TRANK1: variants seen among roughly 807,000 people sequenced by gnomAD.
The protein encoded by TRANK1 is tetratricopeptide repeat and ankyrin repeat containing 1, also known as TPR and ankyrin repeat-containing protein 1.
Under a neutral mutation model 266.0 loss-of-function variants are expected in TRANK1, and 198 were observed. That is an observed-to-expected ratio of 0.74 (90% CI 0.66 to 0.84). TRANK1 has a LOEUF of 0.84. Among genes scored for constraint, TRANK1 ranks in the 40% least tolerant of loss-of-function variants. The pLI is 0.00. For synonymous variants in TRANK1, 1,396 were observed against 1,384.1 expected, an observed-to-expected ratio of 1.01 and a Z score of -0.19; for missense variants, 3,326 against 3,634.6, an observed-to-expected ratio of 0.92 and a Z score of 2.18.
rs766932304 is a variant in TRANK1 at position 36,873,728 on chromosome 3, T to TGTACCAATTTTGGTACCAAG, written c.1078+397_1078+398insCTTGGTACCAAAATTGGTAC. ...GTCAGCAGATGCTGTCCAAAATTGA[T>TGTACCAATTTTGGTACCAAG]AAACCAAGAAATAGAGATGTACGTG... On this transcript the variant is annotated intron_variant, in intron 9 of 23. Transcript: ENST00000645898. 1.0e-3 allele frequency among the ~76,000 whole-genome samples: 159 copies of TGTACCAATTTTGGTACCAAG among 152,300 alleles called. 1 individual carries two copies. The highest frequency in any genetic ancestry group is 3.4e-3 in the Middle Eastern group (1 of 292).
intron 23 of TRANK1, among the ~76,000 whole-genome samples, chr3:36,829,085 C>T (rs985959756): frequency 2.6e-5 from 4 of 152,232 alleles, no homozygotes; most frequent in Non-Finnish European, 5.9e-5. Flanking sequence ...TTTTAACCCT[C>T]TGTAGGAAGA....
In TRANK1 at chr3:36,832,699, G is replaced by C. The variant is rs2078713896; in HGVS notation, c.6884C>G (p.Pro2295Arg). ...NPMACKEILKPNYKSFRFYRF... is the reference protein window; with the variant it reads ...NPMACKEILKRNYKSFRFYRF... The stretch of plus-strand genomic sequence containing the variant: ...GTAGAACCGGAAGGATTTGTAATTT[G>C]GTTTGAGGATTTCTTTGCATGCCAT... The change falls in exon 22 of 24, where the codon CCA becomes CGA. Residue 2295 changes from proline (P) to arginine (R), a missense_variant. Pro to Arg is a moderately radical substitution (Grantham distance 103). Coordinates refer to ENST00000645898, the MANE Select transcript of TRANK1 (RefSeq NM_001329998.2). 6.2e-7 allele frequency: 1 copy of C among 1,613,714 alleles called. No homozygotes were observed. Among genetic ancestry groups the C allele is most frequent in the Admixed American group, 1.7e-5 (1 of 60,002 alleles).
chr3:36,907,823 T>C (rs1396067892), intron 2 of TRANK1, among the ~76,000 whole-genome samples: 1 of 152,170 alleles, frequency 6.6e-6, no homozygotes, highest in Non-Finnish European at 1.5e-5. Flanking sequence ...TACCATACTG[T>C]ATTGACAGCT....
intron 15 of TRANK1, chr3:36,851,440 G>A: frequency 8.6e-7 from 1 of 1,157,806 alleles, no homozygotes; most frequent in Non-Finnish European, 1.1e-6. Flanking sequence ...GATAACAGTG[G>A]CTAATGAGAA....
At chr3:36,939,275 A>G (rs2080465452) in intron 1 of TRANK1, among the ~76,000 whole-genome samples, 1 of 151,538 alleles carries the variant, frequency 6.6e-6, no homozygotes, top group Non-Finnish European at 1.5e-5. Flanking sequence ...ACACACACAC[A>G]CACACACACA....
Position 36,860,978 on chromosome 3 carries a change from T to C in TRANK1, c.1423A>G (p.Thr475Ala). ...DCNFSDLDIC[T>A]IIPHLSTWDQ... ...CAGGTGCTGAGATGGGGGATGATGG[T>C]ACAGATGTCGAGGTCTGAGAAGTTG... Residue 475 changes from threonine (T) to alanine (A), a missense_variant, in exon 11 of 24, where the codon ACC (threonine) becomes GCC (alanine). Thr to Ala is a moderately conservative substitution (Grantham distance 58, BLOSUM62 0). Coordinates refer to ENST00000645898, the MANE Select transcript of TRANK1 (RefSeq NM_001329998.2). 1 of 1,537,762 alleles carries C rather than the reference T, an allele frequency of 6.5e-7. No individual in the cohort carries two copies. The highest frequency in any genetic ancestry group is 8.7e-7 in the Non-Finnish European group (1 of 1,147,028).
chr3:36,879,655 A>G (rs1234581606), intron 8 of TRANK1, among the ~76,000 whole-genome samples: 1 of 94,024 alleles, frequency 1.1e-5, no homozygotes, highest in South Asian at 3.1e-4. Context: ...AATATATATA[A>G]ATATATAAAT....
chr3:36,847,155 T>C (rs1575195268), intron 16 of TRANK1, 45 bp downstream of exon 16: 2 of 1,567,762 alleles, frequency 1.3e-6, no homozygotes, highest in East Asian at 4.5e-5. Context: ...CCTTTTTCAC[T>C]ACTTCCATGT....
chr3:36,868,231 T>G (rs915189972), intron 9 of TRANK1, among the ~76,000 whole-genome samples: 1 of 152,256 alleles, frequency 6.6e-6, no homozygotes, highest in African/African-American at 2.4e-5. Flanking sequence ...TTTAGAAGTC[T>G]GGTGATGTTT....
intron 3 of TRANK1, among the ~76,000 whole-genome samples, chr3:36,899,753 A>G (rs1371387148): frequency 6.6e-6 from 1 of 152,224 alleles, no homozygotes; most frequent in Non-Finnish European, 1.5e-5. Context: ...AACTGCCAAG[A>G]AAAGAATCAC....
chr3:36,859,095 C>T (rs1035520877), intron 11 of TRANK1, among the ~76,000 whole-genome samples: 2 of 152,182 alleles, frequency 1.3e-5, no homozygotes, highest in Admixed American at 6.5e-5. Context: ...CCTTCAAGCA[C>T]CCTGTCTGGG....
intron 8 of TRANK1, among the ~76,000 whole-genome samples, chr3:36,882,758 G>A (rs1183230817): frequency 6.6e-6 from 1 of 152,130 alleles, no homozygotes; most frequent in East Asian, 1.9e-4. Context: ...GAGCTAATGA[G>A]CGAAGAATTC....
chr3:36,831,928 T>G lies in TRANK1; in HGVS notation c.7655A>C (p.Asp2552Ala). The G allele has an allele frequency of 6.2e-7, 1 of 1,613,956 alleles. No individual in the cohort carries two copies. Among genetic ancestry groups the G allele is most frequent in the Non-Finnish European group, 8.5e-7 (1 of 1,179,880 alleles). The change falls in exon 22 of 24, where the codon GAC becomes GCC. Residue 2552 changes from aspartate to alanine, a missense_variant. Coordinates refer to ENST00000645898, the MANE Select transcript of TRANK1 (RefSeq NM_001329998.2). The surrounding 1 kb of genome is among the most constrained non-coding windows in gnomAD (Gnocchi z 5.0). The stretch of plus-strand genomic sequence containing the variant: ...CTCAGCCTCACCCGAGACCACATAG[T>G]CTATTTCACTGAAGGCATCAAGCAG... ...NVLLDAFSEI[D>A]YVVSGEAERT...
At chr3:36,833,968 A>G in intron 21 of TRANK1, 49 bp from the exon 22 acceptor site, 1 of 1,526,388 alleles carries the variant, frequency 6.6e-7, no homozygotes, top group Middle Eastern at 1.8e-4. Flanking sequence ...CCCAATCAAT[A>G]GAAAATTTCC....
Position 36,892,910 on chromosome 3 carries a change from A to C in TRANK1, c.627T>G (p.Ser209Arg). The C allele has an allele frequency of 6.8e-7, 1 of 1,475,376 alleles. No individual in the cohort carries two copies. The highest frequency in any genetic ancestry group is 2.5e-5 in the Admixed American group (1 of 39,252). 91.4% of individuals were successfully genotyped at this position (1,475,376 alleles called of 1,614,324 possible). Residue 209 changes from serine to arginine, a missense_variant, in exon 6 of 24, where the codon AGT becomes AGG. Ser to Arg is a moderately radical substitution (Grantham distance 110). Transcript: ENST00000645898. ...ATATATATCACCTTACCTCAAAGAG[A>C]CTTTTCAGTGATAACTCTGGGACAT... The part of the protein sequence containing the change: ...NIHVPELSLK[S>R]LFEKYVFIGL...
chr3:36,907,246 G>A (rs544033948), intron 2 of TRANK1, among the ~76,000 whole-genome samples: 3 of 152,246 alleles, frequency 2.0e-5, no homozygotes, highest in African/African-American at 7.2e-5. Context: ...TGCCTCCCAC[G>A]ATCAAGCGAT....
intron 13 of TRANK1, among the ~76,000 whole-genome samples, chr3:36,854,292 G>A (rs2079021700): frequency 6.6e-6 from 1 of 152,020 alleles, no homozygotes; most frequent in African/African-American, 2.4e-5. Context: ...CCCAGGAGGT[G>A]GAGGTTGCAG....
Position 36,874,191 on chromosome 3 carries a change from A to C in TRANK1, c.1013T>G (p.Phe338Cys), listed in dbSNP as rs931132207. Reference protein sequence around the residue: ...VVDVLKRNKNFKAIEKINSHL... With the variant: ...VVDVLKRNKNCKAIEKINSHL... ...ACTGTTGATTTTCTCGATGGCTTTG[A>C]AGTTCTTATTCCTCTTCAGGACATC... The change falls in exon 9 of 24, where the codon TTC (phenylalanine) becomes TGC (cysteine). Residue 338 changes from phenylalanine (F) to cysteine (C), a missense_variant. Coordinates refer to ENST00000645898, the MANE Select transcript of TRANK1 (RefSeq NM_001329998.2). 2 of 1,537,196 alleles carry C rather than the reference A, an allele frequency of 1.3e-6. No individual in the cohort carries two copies. The highest frequency in any genetic ancestry group is 2.7e-5 in the African/African-American group (2 of 72,962).
At chr3:36,938,881 G>A (rs2080459343) in intron 1 of TRANK1, among the ~76,000 whole-genome samples, 3 of 151,744 alleles carry the variant, frequency 2.0e-5, no homozygotes, top group Admixed American at 6.6e-5. Context: ...AATCACTTGA[G>A]CCCAGGAGGC....
Sources: allele counts gnomAD v4.1 joint callset (sites outside exome capture counted in the v4.1 genomes callset), GRCh38; gene constraint gnomAD v4.1.1; non-coding constraint Gnocchi (gnomAD v3.1); transcripts MANE v1.5; gene names NCBI Gene and HGNC (gene_info 2026-07-23, HGNC 2026-07-21).